Variants in NCKAP5 observed in about 807,000 individuals in gnomAD.
NCKAP5 encodes the protein nck-associated protein 5.
A neutral mutation model predicts 167.0 loss-of-function variants in NCKAP5; 92 were observed. The ratio of observed to expected loss-of-function variants is 0.55; its 90% CI spans 0.47 to 0.66. The LOEUF is 0.66. Among genes scored for constraint, NCKAP5 ranks in the 30% least tolerant of loss-of-function variants. NCKAP5 has a pLI of 0.00. For synonymous variants in NCKAP5, 891 were observed against 877.4 expected, an observed-to-expected ratio of 1.02 and a Z score of -0.27; for missense variants, 2,378 against 2,315.0, an observed-to-expected ratio of 1.03 and a Z score of -0.56.
intron 4 of NCKAP5, among the ~76,000 whole-genome samples, chr2:133,227,186 G>A (rs1207399392): frequency 2.6e-5 from 4 of 152,030 alleles, no homozygotes; most frequent in Non-Finnish European, 4.4e-5. Context: ...CCAATCTAAG[G>A]AACTTCTTCA....
rs141604544 is a variant in NCKAP5, at chr2:133,056,843, C to T, written c.342-62604G>A. On this transcript the variant is annotated intron_variant, in intron 6 of 19. Coordinates refer to ENST00000409261, the MANE Select transcript of NCKAP5 (RefSeq NM_207363.3). ...GATCTGTAGCTCCAAAGTTGAAGCA[C>T]GCAACCATGCCCTGTTTTAGTGTAC... 5.6e-4 allele frequency among the ~76,000 whole-genome samples: 86 copies of T among 152,250 alleles called. No individual in the cohort carries two copies. In the East Asian group the frequency reaches 0.013, roughly 23 times the overall value.
At chr2:132,721,413 T>C (rs1369257135) in intron 19 of NCKAP5, among the ~76,000 whole-genome samples, 1 of 152,172 alleles carries the variant, frequency 6.6e-6, no homozygotes, top group South Asian at 2.1e-4. Context: ...CTTCACGATC[T>C]ATTGGTGAAT....
At chr2:133,281,473 A>G (rs924291607) in intron 4 of NCKAP5, among the ~76,000 whole-genome samples, 2 of 152,224 alleles carry the variant, frequency 1.3e-5, no homozygotes, top group African/African-American at 4.8e-5. Flanking sequence ...AAAAATATCA[A>G]GAAGCCTGGG....
chr2:133,250,526 G>A (rs904148167), intron 4 of NCKAP5, among the ~76,000 whole-genome samples: 1 of 152,258 alleles, frequency 6.6e-6, no homozygotes, highest in Admixed American at 6.5e-5. Context: ...GCCGAGGGCA[G>A]GGCCACCTGC....
intron 3 of NCKAP5, among the ~76,000 whole-genome samples, chr2:133,439,157 G>A (rs538123317): frequency 1.4e-4 from 21 of 152,248 alleles, no homozygotes; most frequent in Admixed American, 2.6e-4. Flanking sequence ...TCCTGATCTC[G>A]GGATATTACG....
intron 17 of NCKAP5, among the ~76,000 whole-genome samples, chr2:132,729,902 G>A (rs969407435): frequency 1.3e-5 from 2 of 152,064 alleles, no homozygotes. Context: ...TTTTCATATG[G>A]GGATAAGAAA....
chr2:133,145,876 C>T (rs989984358), intron 5 of NCKAP5, among the ~76,000 whole-genome samples: 1 of 152,180 alleles, frequency 6.6e-6, no homozygotes, highest in Non-Finnish European at 1.5e-5. Context: ...AAGATTGCAT[C>T]GACTCCAGTG....
chr2:133,337,981 T>C (rs1683325614), intron 3 of NCKAP5, among the ~76,000 whole-genome samples: 1 of 152,234 alleles, frequency 6.6e-6, no homozygotes, highest in South Asian at 2.1e-4. Flanking sequence ...CTCAGATATC[T>C]AAACATTTTA....
At chr2:133,617,598 G>A in the NCKAP5 span, among the ~76,000 whole-genome samples, 1 of 143,344 alleles carries the variant, frequency 7.0e-6, no homozygotes, top group Non-Finnish European at 1.5e-5. Context: ...ACTTACAAGG[G>A]ATGTGAAGGA....
At chr2:133,661,898 T>C in the NCKAP5 span, among the ~76,000 whole-genome samples, 4 of 152,126 alleles carry the variant, frequency 2.6e-5, no homozygotes, top group Admixed American at 1.3e-4. Flanking sequence ...TACAAAGACA[T>C]AGAATAGATA....
At chr2:132,696,585 T>C (rs1188223073) in intron 19 of NCKAP5, among the ~76,000 whole-genome samples, 1 of 152,186 alleles carries the variant, frequency 6.6e-6, no homozygotes, top group Non-Finnish European at 1.5e-5. Flanking sequence ...TATGTGGGGA[T>C]GGAAGAGCTT....
At chr2:132,718,039 G>T (rs1220451142) in intron 19 of NCKAP5, among the ~76,000 whole-genome samples, 1 of 152,088 alleles carries the variant, frequency 6.6e-6, no homozygotes, top group Non-Finnish European at 1.5e-5. Flanking sequence ...CAACAATACG[G>T]CACTAGGCAC....
At chr2:133,183,574 TA>T (rs34383247) in intron 5 of NCKAP5, among the ~76,000 whole-genome samples, 74,217 of 151,838 alleles carry the variant, frequency 0.49, 18,683 homozygotes, top group East Asian at 0.73. Flanking sequence ...CTTCCTCAGT[TA>T]AAAGAGCACT....
intron 19 of NCKAP5, among the ~76,000 whole-genome samples, chr2:132,686,850 G>C (rs1412165327): frequency 6.6e-6 from 1 of 152,168 alleles, no homozygotes; most frequent in African/African-American, 2.4e-5. Context: ...CAGGAAAATA[G>C]ACTTTGTTCT....
chr2:133,431,617 A>G (rs1690166432), intron 3 of NCKAP5: 1 of 152,190 alleles, frequency 6.6e-6, no homozygotes, highest in African/African-American at 2.4e-5. Context: ...ACTGAGGCAC[A>G]AAGAACCAGG....
At chr2:133,018,638 G>A (rs1280226835) in intron 6 of NCKAP5, among the ~76,000 whole-genome samples, 1 of 152,184 alleles carries the variant, frequency 6.6e-6, no homozygotes, top group East Asian at 1.9e-4. Context: ...TGCACAGCAA[G>A]TGCTCTTATT....
intron 4 of NCKAP5, among the ~76,000 whole-genome samples, chr2:133,277,713 G>A (rs2089786764): frequency 6.6e-6 from 1 of 152,062 alleles, no homozygotes; most frequent in Non-Finnish European, 1.5e-5. Flanking sequence ...AGAAAATCCA[G>A]GAAGAGAAAA....
At chr2:133,059,352 AT>A (rs2079913358) in intron 6 of NCKAP5, among the ~76,000 whole-genome samples, 1 of 151,970 alleles carries the variant, frequency 6.6e-6, no homozygotes, top group South Asian at 2.1e-4. Context: ...GATTGTTAGC[AT>A]TTTTTAGCAA....
At chr2:133,573,672 T>A in the NCKAP5 span, among the ~76,000 whole-genome samples, 1 of 152,202 alleles carries the variant, frequency 6.6e-6, no homozygotes, top group Admixed American at 6.5e-5. Flanking sequence ...GAGGATTTTA[T>A]TTCAGCCTCC....
Sources: allele counts gnomAD v4.1 joint callset (sites outside exome capture counted in the v4.1 genomes callset), GRCh38; gene constraint gnomAD v4.1.1; transcripts MANE v1.5; gene names NCBI Gene and HGNC (gene_info 2026-07-23, HGNC 2026-07-21).